Variants in SLCO5A1 observed in about 807,000 individuals in gnomAD.
SLCO5A1 encodes the protein organic anion transporter polypeptide-related protein 4.
In SLCO5A1, 39 loss-of-function variants were observed where a neutral mutation model predicts 65.1. The ratio of observed to expected loss-of-function variants is 0.60; its 90% CI spans 0.46 to 0.78. The LOEUF (loss-of-function observed/expected upper bound fraction) is 0.78. Among genes scored for constraint, SLCO5A1 ranks in the 30% least tolerant of loss-of-function variants. The pLI is 0.00. For missense variants in SLCO5A1, 1,029 were observed against 1,069.4 expected (o/e 0.96, Z 0.53); for synonymous variants, 438 against 415.7 (o/e 1.05, Z -0.65).
intron 6 of SLCO5A1, among the ~76,000 whole-genome samples, chr8:69,688,109 C>T (rs914813297): frequency 6.6e-5 from 10 of 151,718 alleles, no homozygotes; most frequent in Non-Finnish European, 1.2e-4. Context: ...ACTCCTAAAA[C>T]GAAGTAAAAC....
intron 6 of SLCO5A1, 138 bp from the exon 7 acceptor site, chr8:69,682,481 C>T: frequency 1.4e-6 from 1 of 730,662 alleles, no homozygotes; most frequent in Non-Finnish European, 1.9e-6. Flanking sequence ...CCAAAGTAGT[C>T]ATCCTCAACA....
intron 6 of SLCO5A1, among the ~76,000 whole-genome samples, chr8:69,700,926 T>C (rs1814706841): frequency 6.6e-6 from 1 of 151,972 alleles, no homozygotes; most frequent in East Asian, 1.9e-4. Context: ...ATGTGCTCCA[T>C]CAAAATGAGG....
chr8:69,747,453 T>C (rs1443532804), intron 4 of SLCO5A1, among the ~76,000 whole-genome samples: 2 of 152,190 alleles, frequency 1.3e-5, no homozygotes, highest in African/African-American at 2.4e-5. Flanking sequence ...GCATCTGTAT[T>C]GAACACATCA....
intron 5 of SLCO5A1, among the ~76,000 whole-genome samples, chr8:69,716,530 G>T (rs2130822193): frequency 6.6e-6 from 1 of 152,254 alleles, no homozygotes; most frequent in Non-Finnish European, 1.5e-5. Context: ...GTGTGAGGTG[G>T]TACCTCATTG....
intron 2 of SLCO5A1, among the ~76,000 whole-genome samples, chr8:69,823,543 T>C (rs1013042865): frequency 6.6e-6 from 1 of 152,142 alleles, no homozygotes; most frequent in African/African-American, 2.4e-5. Flanking sequence ...CATTACATAA[T>C]GGTAAAGGGA....
chr8:69,832,437 C>G lies in SLCO5A1; in HGVS notation c.237G>C (p.Leu79Phe), dbSNP rs1310361586. ...TGGACGGGGCAGAGGGACTGGGGGC[C>G]AACGGGTTCGGGCCTTGCTTCAACT... The part of the protein sequence containing the change: ...HQELKQGPNP[L>F]APSPSAPSTS... The change falls in exon 2 of 10, where the codon TTG (leucine) becomes TTC (phenylalanine). Residue 79 changes from leucine to phenylalanine, a missense_variant. Physicochemically the swap from Leu to Phe is conservative, Grantham distance 22 (BLOSUM62 0). Transcript: ENST00000260126. The surrounding 1 kb of genome is among the most constrained non-coding windows in gnomAD (Gnocchi z 4.5). 6.2e-7 allele frequency: 1 copy of G among 1,612,900 alleles called. No homozygotes were observed. Among genetic ancestry groups the G allele is most frequent in the African/African-American group, 1.3e-5 (1 of 74,882 alleles).
chr8:69,714,444 T>C (rs1303235152), intron 5 of SLCO5A1, among the ~76,000 whole-genome samples: 1 of 152,164 alleles, frequency 6.6e-6, no homozygotes, highest in Non-Finnish European at 1.5e-5. Flanking sequence ...GTAAGTTCTT[T>C]TAGGAGTTCT....
chr8:69,730,705 A>C (rs1816300933), intron 5 of SLCO5A1, among the ~76,000 whole-genome samples: 1 of 152,184 alleles, frequency 6.6e-6, no homozygotes, highest in Non-Finnish European at 1.5e-5. Flanking sequence ...GGTTTGTACC[A>C]GCTTGTCAGC....
intron 2 of SLCO5A1, among the ~76,000 whole-genome samples, chr8:69,806,406 G>T (rs1184197272): frequency 1.3e-5 from 2 of 152,198 alleles, no homozygotes; most frequent in Admixed American, 1.3e-4. Flanking sequence ...AGGCAGTCCT[G>T]CTTCCTGCTA....
intron 2 of SLCO5A1, among the ~76,000 whole-genome samples, chr8:69,805,250 C>T (rs1247815692): frequency 1.3e-5 from 2 of 152,106 alleles, no homozygotes; most frequent in Admixed American, 1.3e-4. Context: ...AGGAGGATTT[C>T]TAAAACAAAC....
intron 2 of SLCO5A1, among the ~76,000 whole-genome samples, chr8:69,791,685 A>C (rs560784373): frequency 6.6e-6 from 1 of 152,228 alleles, no homozygotes. Context: ...CAAGAAGCCC[A>C]GAGTCCAGTG....
chr8:69,710,958 G>C (rs959596759), intron 5 of SLCO5A1, among the ~76,000 whole-genome samples: 2 of 152,042 alleles, frequency 1.3e-5, no homozygotes, highest in Admixed American at 6.5e-5. Flanking sequence ...GGAATTATAC[G>C]CGTCTTGGGA....
At chr8:69,779,116 C>A (rs143116747) in intron 2 of SLCO5A1, among the ~76,000 whole-genome samples, 117 of 152,260 alleles carry the variant, frequency 7.7e-4, no homozygotes, top group African/African-American at 2.7e-3. Context: ...TACTATCTGA[C>A]CCTTTATATA....
chr8:69,826,123 G>T (rs62533334), intron 2 of SLCO5A1, among the ~76,000 whole-genome samples: 1 of 151,268 alleles, frequency 6.6e-6, no homozygotes, highest in African/African-American at 2.4e-5. Flanking sequence ...TTATACAAAA[G>T]TTAATTCAAG....
At chr8:69,722,449 G>T (rs968197444) in intron 5 of SLCO5A1, among the ~76,000 whole-genome samples, 1 of 152,084 alleles carries the variant, frequency 6.6e-6, no homozygotes, top group Non-Finnish European at 1.5e-5. Context: ...TTCAAGTCTT[G>T]AAGTACTTAC....
chr8:69,729,026 G>A (rs1179238807), intron 5 of SLCO5A1, among the ~76,000 whole-genome samples: 1 of 152,162 alleles, frequency 6.6e-6, no homozygotes, highest in Non-Finnish European at 1.5e-5. Context: ...AAATGTGGAA[G>A]GTAAGTGAGT....
In SLCO5A1 at chr8:69,770,618, T is replaced by A. The variant is rs1316049742; in HGVS notation, c.908-8743A>T. On this transcript the variant is annotated intron_variant, in intron 2 of 9. Coordinates refer to ENST00000260126, the MANE Select transcript of SLCO5A1 (RefSeq NM_030958.3). ...AAGGGTTTCTGATCTTTTCAGACCC[T>A]TCCAAAAAGGCCACCTTCAACAGGG... Among the ~76,000 whole-genome samples the A allele has an allele frequency of 5.9e-5, 9 of 152,178 alleles. No individual in the cohort carries two copies. In the South Asian group the frequency reaches 1.9e-3, roughly 32 times the overall value.
chr8:69,715,714 A>G (rs1041989614), intron 5 of SLCO5A1, among the ~76,000 whole-genome samples: 6 of 152,216 alleles, frequency 3.9e-5, no homozygotes, highest in Non-Finnish European at 5.9e-5. Flanking sequence ...TTGAGAAACC[A>G]TATTAATTCT....
rs72660126 is a variant in SLCO5A1, at chr8:69,690,625, G to A, written c.1623-8282C>T. Among the ~76,000 whole-genome samples, 952 of 152,300 alleles carry A rather than the reference G, an allele frequency of 6.3e-3. 7 individuals are homozygous for A. The highest frequency in any genetic ancestry group is 0.037 in the South Asian group (177 of 4,822). On this transcript the variant is annotated intron_variant, in intron 6 of 9. Coordinates refer to ENST00000260126, the MANE Select transcript of SLCO5A1 (RefSeq NM_030958.3). The stretch of plus-strand genomic sequence containing the variant: ...TGAGTTGTGCATGTGGCAAAGGTCT[G>A]AATTAACAGACTGTATTTATTTAAT...
Sources: allele counts gnomAD v4.1 joint callset (sites outside exome capture counted in the v4.1 genomes callset), GRCh38; gene constraint gnomAD v4.1.1; non-coding constraint Gnocchi (gnomAD v3.1); transcripts MANE v1.5; gene names NCBI Gene and HGNC (gene_info 2026-07-23, HGNC 2026-07-21).